Variants in VPS41 observed in about 807,000 individuals in gnomAD.
VPS41 encodes the protein vacuolar protein sorting-associated protein 41 homolog.
In VPS41, 85 loss-of-function variants were observed where a neutral mutation model predicts 130.9. That is an observed-to-expected ratio of 0.65 (90% confidence interval 0.55 to 0.78). The LOEUF (loss-of-function observed/expected upper bound fraction) is 0.78, where lower values mean the gene tolerates loss of function less well. Ranked by LOEUF, VPS41 falls within the 30% of genes least tolerant of loss-of-function variation. The pLI, the probability that VPS41 is intolerant of heterozygous loss-of-function variation, is 0.00. For synonymous variants in VPS41, 335 were observed against 332.9 expected (o/e 1.01, Z -0.07); for missense variants, 874 against 1,018.7 (o/e 0.86, Z 1.93).
chr7:38,870,739 C>CAAAAAAAAAAAAAAAAAA (rs70977434), intron 2 of VPS41, among the ~76,000 whole-genome samples: 20 of 29,706 alleles, frequency 6.7e-4, no homozygotes, highest in East Asian at 1.1e-3. Context: ...ACTATATGTT[C>CAAAAAAAAAAAAAAAAAA]AAAAAAAAAA....
chr7:38,810,820 C>T lies in VPS41; in HGVS notation c.450+6997G>A, dbSNP rs536393856. On this transcript the variant is annotated intron_variant, in intron 7 of 28. Transcript: ENST00000310301. ...CCCTATGTGATCTGCCACCTGTTCTCAACAGAGGAGGGATCTTGATATCTA... is the reference window on the plus strand; with the variant it reads ...CCCTATGTGATCTGCCACCTGTTCTTAACAGAGGAGGGATCTTGATATCTA... 3.3e-5 allele frequency among the ~76,000 whole-genome samples: 5 copies of T among 152,246 alleles called. No individual in the cohort carries two copies. In the South Asian group the frequency reaches 1.0e-3, roughly 32 times the overall value.
At chr7:38,726,851 C>A in intron 28 of VPS41, 58 bp downstream of exon 28, 1 of 1,413,182 alleles carries the variant, frequency 7.1e-7, no homozygotes, top group Admixed American at 2.6e-5. Flanking sequence ...GTTTAAAGCA[C>A]ATTCCTCTAA....
intron 17 of VPS41, among the ~76,000 whole-genome samples, chr7:38,762,557 A>G (rs185054058): frequency 2.2e-4 from 34 of 152,320 alleles, no homozygotes; most frequent in African/African-American, 7.9e-4. Flanking sequence ...AAAAAAATTG[A>G]CAAGTCAATA....
intron 17 of VPS41, among the ~76,000 whole-genome samples, chr7:38,760,171 T>G (rs1235235921): frequency 1.3e-5 from 2 of 152,306 alleles, no homozygotes; most frequent in East Asian, 3.9e-4. Context: ...GTTTTATAAC[T>G]CAAAGTATGA....
intron 1 of VPS41, among the ~76,000 whole-genome samples, chr7:38,908,323 TTTTA>T (rs1203445831): frequency 6.6e-6 from 1 of 152,230 alleles, no homozygotes; most frequent in Non-Finnish European, 1.5e-5. Context: ...TTTTTGTCTT[TTTTA>T]TTTTACTTCG....
chr7:38,856,693 G>A (rs1785993129), intron 4 of VPS41, among the ~76,000 whole-genome samples: 1 of 152,138 alleles, frequency 6.6e-6, no homozygotes, highest in African/African-American at 2.4e-5. Flanking sequence ...TGTGAGGCTG[G>A]TACTGACACT....
At chr7:38,851,437 C>A (rs1020549328) in intron 4 of VPS41, among the ~76,000 whole-genome samples, 1 of 152,170 alleles carries the variant, frequency 6.6e-6, no homozygotes, top group African/African-American at 2.4e-5. Context: ...CCTTTTGAAT[C>A]TGCCTTCTTT....
intron 1 of VPS41, among the ~76,000 whole-genome samples, chr7:38,908,017 T>C (rs905530424): frequency 2.0e-5 from 3 of 152,184 alleles, no homozygotes; most frequent in Non-Finnish European, 4.4e-5. Context: ...CCAAACCAAA[T>C]TTCTACCTAG....
chr7:38,821,570 A>G (rs1435855021), intron 5 of VPS41, among the ~76,000 whole-genome samples: 1 of 152,032 alleles, frequency 6.6e-6, no homozygotes, highest in Non-Finnish European at 1.5e-5. Context: ...TTAGCCAGGC[A>G]TGGTGGCGTG....
chr7:38,818,294 A>C (rs1200442760), intron 6 of VPS41, among the ~76,000 whole-genome samples: 1 of 152,050 alleles, frequency 6.6e-6, no homozygotes, highest in South Asian at 2.1e-4. Context: ...CTTGTCCAAG[A>C]TGACTCTCAA....
At chr7:38,849,617 G>A (rs912144094) in intron 4 of VPS41, among the ~76,000 whole-genome samples, 9 of 152,186 alleles carry the variant, frequency 5.9e-5, no homozygotes, top group East Asian at 1.9e-4. Context: ...CCAGCGTGCC[G>A]GTGTCTGCCG....
chr7:38,814,574 C>T (rs1483966962), intron 7 of VPS41, among the ~76,000 whole-genome samples: 4 of 152,026 alleles, frequency 2.6e-5, no homozygotes, highest in Admixed American at 6.5e-5. Flanking sequence ...GGCGTGAACC[C>T]GGCAGGCAGA....
intron 2 of VPS41, among the ~76,000 whole-genome samples, chr7:38,877,443 A>AG (rs1786515291): frequency 3.3e-5 from 5 of 152,188 alleles, no homozygotes; most frequent in Admixed American, 2.0e-4. Flanking sequence ...AAGTGGAACT[A>AG]TATCATCTTC....
rs544510752 is a variant in VPS41 at position 38,801,263 on chromosome 7, C to T, written c.451-4399G>A. ...CAATTAAAAGAGCAAAGAAGCTTCT[C>T]CCAATGACATTTCTACAATGCAGAC... On this transcript the variant is annotated intron_variant, in intron 7 of 28. Coordinates refer to ENST00000310301, the MANE Select transcript of VPS41 (RefSeq NM_014396.4). Among the ~76,000 whole-genome samples the T allele has an allele frequency of 5.3e-5, 8 of 152,286 alleles. No homozygotes were observed. The East Asian group carries it at 1.5e-3, about 29-fold the overall frequency.
At chr7:38,878,760 A>G (rs1272391757) in intron 2 of VPS41, among the ~76,000 whole-genome samples, 2 of 152,242 alleles carry the variant, frequency 1.3e-5, no homozygotes, top group East Asian at 3.8e-4. Flanking sequence ...TTCAGTAAAT[A>G]CAAAGGTTTC....
intron 7 of VPS41, 170 bp from the exon 8 acceptor site, chr7:38,797,034 A>G (rs987716317): frequency 2.8e-6 from 2 of 713,192 alleles, no homozygotes; most frequent in African/African-American, 3.6e-5. Context: ...AAGAATTCCT[A>G]GCACATCATA....
chr7:38,832,989 G>C (rs1785422154), intron 4 of VPS41, among the ~76,000 whole-genome samples: 1 of 152,068 alleles, frequency 6.6e-6, no homozygotes, highest in South Asian at 2.1e-4. Context: ...ATTCCCTCTG[G>C]AAAGGGCTCT....
chr7:38,860,002 A>T (rs1786070513), intron 4 of VPS41, among the ~76,000 whole-genome samples: 1 of 152,232 alleles, frequency 6.6e-6, no homozygotes, highest in Admixed American at 6.5e-5. Flanking sequence ...TCTGAGTATT[A>T]ATATACATAA....
At chr7:38,842,770 C>T (rs1051609538) in intron 4 of VPS41, among the ~76,000 whole-genome samples, 2 of 152,220 alleles carry the variant, frequency 1.3e-5, no homozygotes, top group Admixed American at 1.3e-4. Context: ...GCATCACCTC[C>T]TATGGGAAGG....
Sources: gnomAD v4.1 joint callset for allele counts (sites outside exome capture counted in the v4.1 genomes callset) on GRCh38, gnomAD v4.1.1 for gene constraint, MANE v1.5 for transcripts, NCBI Gene and HGNC (gene_info 2026-07-23, HGNC 2026-07-21) for gene names.